Variants in MEIKIN observed in about 807,000 individuals in gnomAD.
MEIKIN encodes meiotic kinetochore factor, also known as meiosis-specific kinetochore protein.
At chr5:131,875,174 T>A (rs1240586179) in intron 9 of MEIKIN, among the ~76,000 whole-genome samples, 2 of 152,118 alleles carry the variant, frequency 1.3e-5, no homozygotes, top group Non-Finnish European at 2.9e-5. Flanking sequence ...AAATAAAGGG[T>A]ATTCAATTAG....
At chr5:131,937,165 T>C (rs958655931) in intron 4 of MEIKIN, among the ~76,000 whole-genome samples, 10 of 152,282 alleles carry the variant, frequency 6.6e-5, no homozygotes, top group South Asian at 6.2e-4. Context: ...TTCTTCCTTA[T>C]TGATTTATTT....
intron 4 of MEIKIN, among the ~76,000 whole-genome samples, chr5:131,937,917 G>C (rs993278175): frequency 2.0e-5 from 3 of 151,856 alleles, no homozygotes; most frequent in African/African-American, 7.3e-5. Context: ...TTGGCTCTCA[G>C]TATCTCTGTT....
chr5:131,860,754 C>CTTTT lies in MEIKIN; in HGVS notation c.775-5924_775-5921dup, dbSNP rs35117395. Among the ~76,000 whole-genome samples the CTTTT allele has an allele frequency of 1.7e-3, 86 of 51,004 alleles. 2 individuals carry two copies. Among genetic ancestry groups the CTTTT allele is most frequent in the African/African-American group, 1.8e-3 (21 of 11,396 alleles). 33.5% of individuals were successfully genotyped at this position (51,004 alleles called of 152,430 possible). On this transcript the variant is annotated intron_variant, in intron 9 of 12. Transcript: ENST00000442687. The stretch of plus-strand genomic sequence containing the variant: ...GAGCCACCATGCCCAGCCTGTTTGG[C>CTTTT]TTTTTTTTTTTTTTTTTTTTTTTTT...
intron 8 of MEIKIN, among the ~76,000 whole-genome samples, chr5:131,899,400 A>G (rs1305617724): frequency 6.6e-6 from 1 of 152,118 alleles, no homozygotes; most frequent in Non-Finnish European, 1.5e-5. Flanking sequence ...CATTAATAGG[A>G]ACACAAAAAG....
intron 7 of MEIKIN, among the ~76,000 whole-genome samples, chr5:131,916,128 T>C (rs1667441839): frequency 6.6e-6 from 1 of 152,216 alleles, no homozygotes; most frequent in Non-Finnish European, 1.5e-5. Context: ...GGTATCATTA[T>C]TATCCAAATA....
chr5:131,931,265 C>T (rs1055121366), intron 5 of MEIKIN, among the ~76,000 whole-genome samples: 3 of 152,200 alleles, frequency 2.0e-5, no homozygotes, highest in Admixed American at 6.5e-5. Context: ...AAGAACATCC[C>T]TTGAAAAGTT....
At chr5:131,819,909 G>A (rs1749457456) in intron 11 of MEIKIN, among the ~76,000 whole-genome samples, 1 of 145,220 alleles carries the variant, frequency 6.9e-6, no homozygotes, top group East Asian at 2.0e-4. Context: ...CCAAGTAGCT[G>A]GGACTACAGG....
At chr5:131,866,132 C>T (rs1750380090) in intron 9 of MEIKIN, among the ~76,000 whole-genome samples, 1 of 152,200 alleles carries the variant, frequency 6.6e-6, no homozygotes, top group Admixed American at 6.5e-5. Context: ...GTAGGAAAAT[C>T]CACTGGAACT....
intron 10 of MEIKIN, among the ~76,000 whole-genome samples, chr5:131,852,092 T>C (rs1236591695): frequency 1.3e-5 from 2 of 152,324 alleles, no homozygotes; most frequent in Non-Finnish European, 2.9e-5. Flanking sequence ...ATGTATATAA[T>C]GGAGTATAAT....
At chr5:131,931,259 A>G in intron 5 of MEIKIN, among the ~76,000 whole-genome samples, 1 of 152,228 alleles carries the variant, frequency 6.6e-6, no homozygotes, top group Admixed American at 6.5e-5. Flanking sequence ...AGTCCCAAGA[A>G]CATCCCTTGA....
chr5:131,907,464 T>G (rs1459818258), intron 8 of MEIKIN, among the ~76,000 whole-genome samples: 5 of 149,382 alleles, frequency 3.3e-5, no homozygotes, highest in African/African-American at 1.2e-4. Flanking sequence ...AAATCAGAGA[T>G]GAAAAGGGAG....
intron 11 of MEIKIN, among the ~76,000 whole-genome samples, chr5:131,836,767 T>A (rs1749816305): frequency 6.6e-6 from 1 of 152,104 alleles, no homozygotes; most frequent in African/African-American, 2.4e-5. Context: ...TAAATCTGTT[T>A]CAGTTCGTTA....
At chr5:131,880,111 G>A (rs62384088) in intron 8 of MEIKIN, among the ~76,000 whole-genome samples, 6 of 150,112 alleles carry the variant, frequency 4.0e-5, no homozygotes, top group South Asian at 2.1e-4. Flanking sequence ...TTTTTGAGAC[G>A]GAGTTTTGCT....
intron 8 of MEIKIN, among the ~76,000 whole-genome samples, chr5:131,900,419 C>T (rs1751137207): frequency 6.6e-6 from 1 of 152,160 alleles, no homozygotes; most frequent in Non-Finnish European, 1.5e-5. Flanking sequence ...GTGAGTTGAG[C>T]AGGCAAGTAG....
At chr5:131,860,326 G>A (rs1193717723) in intron 9 of MEIKIN, among the ~76,000 whole-genome samples, 1 of 110,468 alleles carries the variant, frequency 9.1e-6, no homozygotes, top group East Asian at 2.4e-4. Context: ...TGCAGCTGTT[G>A]TAAATGTGAT....
At chr5:131,837,031 C>T (rs987429240) in intron 11 of MEIKIN, among the ~76,000 whole-genome samples, 2 of 152,062 alleles carry the variant, frequency 1.3e-5, no homozygotes, top group African/African-American at 4.8e-5. Flanking sequence ...CAATCCATCT[C>T]GAGTTGATTT....
intron 8 of MEIKIN, among the ~76,000 whole-genome samples, chr5:131,887,650 T>C (rs1048703630): frequency 1.3e-5 from 2 of 152,184 alleles, no homozygotes; most frequent in African/African-American, 4.8e-5. Context: ...GAGAAGTGTC[T>C]GTTCATATCC....
intron 12 of MEIKIN, among the ~76,000 whole-genome samples, chr5:131,809,830 AAAC>A (rs1772919467): frequency 6.6e-6 from 1 of 151,552 alleles, no homozygotes; most frequent in Non-Finnish European, 1.5e-5. Flanking sequence ...AAAAAAAAAA[AAAC>A]AAACAAAACC....
chr5:131,873,337 G>A (rs937789947), intron 9 of MEIKIN, among the ~76,000 whole-genome samples: 25 of 152,108 alleles, frequency 1.6e-4, no homozygotes, highest in African/African-American at 5.1e-4. Flanking sequence ...AAAAAAGGCA[G>A]GGGTTGTAAT....
Sources: allele counts gnomAD v4.1 joint callset (sites outside exome capture counted in the v4.1 genomes callset), GRCh38; gene constraint gnomAD v4.1.1; transcripts MANE v1.5; gene names NCBI Gene and HGNC (gene_info 2026-07-23, HGNC 2026-07-21).